Variants in KCNH7 observed in about 807,000 individuals in gnomAD.
The protein encoded by KCNH7 is potassium voltage-gated channel subfamily H member 7.
In KCNH7, 49 loss-of-function variants were observed where a neutral mutation model predicts 120.8. The observed-to-expected ratio is 0.41, with a 90% CI of 0.32 to 0.51. The LOEUF (loss-of-function observed/expected upper bound fraction) is 0.51, where lower values mean the gene tolerates loss of function less well. Ranked by LOEUF, KCNH7 falls within the 20% of genes least tolerant of loss-of-function variation. The probability of loss-of-function intolerance (pLI) is 0.38; values close to 1 mark genes in which losing one functional copy is unlikely to be tolerated. For synonymous variants in KCNH7, 547 were observed against 516.1 expected, an observed-to-expected ratio of 1.06 and a Z score of -0.81; for missense variants, 1,097 against 1,446.6, an observed-to-expected ratio of 0.76 and a Z score of 3.92.
At chr2:162,625,127 C>T (rs921355172) in intron 2 of KCNH7, among the ~76,000 whole-genome samples, 3 of 151,922 alleles carry the variant, frequency 2.0e-5, no homozygotes, top group Non-Finnish European at 2.9e-5. Context: ...GAACTCCCGA[C>T]CTCAAGTTAT....
chr2:162,538,945 A>G (rs1349491305), intron 2 of KCNH7, among the ~76,000 whole-genome samples: 2 of 152,178 alleles, frequency 1.3e-5, no homozygotes, highest in Admixed American at 1.3e-4. Context: ...AATGTGGATA[A>G]CTTTATTTAT....
chr2:162,835,630 A>G (rs1415164461), intron 2 of KCNH7, among the ~76,000 whole-genome samples: 1 of 151,734 alleles, frequency 6.6e-6, no homozygotes. Context: ...AGATATATAT[A>G]GATATAGATT....
Position 162,374,297 on chromosome 2 carries a change from A to G in KCNH7, c.3132-635T>C, listed in dbSNP as rs143611756. Among the ~76,000 whole-genome samples, 150 of 152,330 alleles carry G rather than the reference A, an allele frequency of 9.8e-4. 1 individual carries two copies. The Middle Eastern group carries it at 0.014, about 14-fold the overall frequency. On this transcript the variant is annotated intron_variant, in intron 14 of 15. Coordinates refer to ENST00000332142, the MANE Select transcript of KCNH7 (RefSeq NM_033272.4). ...TGACTTCACTTGCTTCTAATGACCCATCTGGCCTGCAAAATACCAGTTTAT... is the reference window on the plus strand; with the variant it reads ...TGACTTCACTTGCTTCTAATGACCCGTCTGGCCTGCAAAATACCAGTTTAT...
At position 162,448,909 on chromosome 2, in the gene KCNH7, G is replaced by T. The variant is rs567802552; in HGVS notation, c.1129-2466C>A. 5.1e-4 allele frequency among the ~76,000 whole-genome samples: 77 copies of T among 152,120 alleles called. No homozygotes were observed. In the South Asian group the frequency reaches 5.2e-3, roughly 10 times the overall value. On this transcript the variant is annotated intron_variant, in intron 6 of 15. Transcript: ENST00000332142. The stretch of plus-strand genomic sequence containing the variant: ...ACTTCACTCAGGGCCTGGGATTGGT[G>T]ATGGTGCTGATGGAGTAGGTGGGTA...
intron 6 of KCNH7, among the ~76,000 whole-genome samples, chr2:162,493,883 G>A (rs568106518): frequency 6.6e-5 from 10 of 152,234 alleles, no homozygotes; most frequent in South Asian, 6.2e-4. Context: ...AACAAATGGT[G>A]GAAGATTTGT....
chr2:162,729,154 A>G (rs905250434), intron 2 of KCNH7, among the ~76,000 whole-genome samples: 1 of 148,418 alleles, frequency 6.7e-6, no homozygotes, highest in Non-Finnish European at 1.5e-5. Flanking sequence ...TTTTGTCAAT[A>G]TACCCAAATT....
chr2:162,809,025 C>G (rs11897829), intron 2 of KCNH7, among the ~76,000 whole-genome samples: 1 of 152,046 alleles, frequency 6.6e-6, no homozygotes, highest in Non-Finnish European at 1.5e-5. Flanking sequence ...CTTTTCTAAC[C>G]TATTAAAAAT....
chr2:162,757,433 C>G (rs1280080807), intron 2 of KCNH7, among the ~76,000 whole-genome samples: 2 of 152,032 alleles, frequency 1.3e-5, no homozygotes, highest in African/African-American at 4.8e-5. Flanking sequence ...AATCAGATTC[C>G]TGATGAAATA....
intron 2 of KCNH7, among the ~76,000 whole-genome samples, chr2:162,743,089 T>A (rs11903378): frequency 0.038 from 5,832 of 152,166 alleles, 360 homozygotes; most frequent in African/African-American, 0.13. Flanking sequence ...TCTTATTTCA[T>A]TGATTTCCCT....
intron 2 of KCNH7, among the ~76,000 whole-genome samples, chr2:162,820,033 CTTTTTTTTTTT>C (rs66809770): frequency 1.3e-5 from 1 of 77,040 alleles, no homozygotes; most frequent in South Asian, 5.9e-4. Flanking sequence ...ATTCCATAAA[CTTTTTTTTTTT>C]TTTTTTTTTT....
chr2:162,773,706 A>T (rs1322119088), intron 2 of KCNH7, among the ~76,000 whole-genome samples: 1 of 152,200 alleles, frequency 6.6e-6, no homozygotes, highest in Non-Finnish European at 1.5e-5. Context: ...ATAGCCTGTC[A>T]TTTTGTAGCT....
intron 9 of KCNH7, among the ~76,000 whole-genome samples, chr2:162,406,782 C>T: frequency 6.6e-6 from 1 of 151,932 alleles, no homozygotes; most frequent in East Asian, 1.9e-4. Context: ...AGATACTAAA[C>T]CCTGCTTTTT....
intron 2 of KCNH7, among the ~76,000 whole-genome samples, chr2:162,701,030 T>C (rs1299111994): frequency 6.6e-6 from 1 of 152,170 alleles, no homozygotes; most frequent in Non-Finnish European, 1.5e-5. Context: ...TTTCACATAA[T>C]CAGATGCTGT....
At chr2:162,730,705 T>G (rs1687693513) in intron 2 of KCNH7, among the ~76,000 whole-genome samples, 1 of 151,932 alleles carries the variant, frequency 6.6e-6, no homozygotes, top group Non-Finnish European at 1.5e-5. Context: ...ATCAAGAAAC[T>G]CACTGATTCA....
rs138899397 is a variant in KCNH7, at chr2:162,643,299, T to C, written c.308-106219A>G. Among the ~76,000 whole-genome samples, 489 of 151,480 alleles carry C rather than the reference T, an allele frequency of 3.2e-3. 1 individual carries two copies. The highest frequency in any genetic ancestry group is 0.011 in the African/African-American group (468 of 41,270). ...TTTTTAGCTAGCACACTGAGGAATT[T>C]ATCAGAACCTATTTGCAAAAACAAA... On this transcript the variant is annotated intron_variant, in intron 2 of 15. Coordinates refer to ENST00000332142, the MANE Select transcript of KCNH7 (RefSeq NM_033272.4).
chr2:162,470,706 G>A (rs974191630), intron 6 of KCNH7, among the ~76,000 whole-genome samples: 1 of 152,180 alleles, frequency 6.6e-6, no homozygotes, highest in African/African-American at 2.4e-5. Flanking sequence ...TGGGAAGTGA[G>A]GAGCTTCTCT....
intron 2 of KCNH7, among the ~76,000 whole-genome samples, chr2:162,664,244 T>C (rs893033430): frequency 3.9e-5 from 6 of 152,190 alleles, no homozygotes; most frequent in Admixed American, 3.9e-4. Context: ...TGTGCACATA[T>C]AACCTCTTTC....
chr2:162,505,450 C>G (rs1690839825), intron 5 of KCNH7, among the ~76,000 whole-genome samples: 1 of 151,798 alleles, frequency 6.6e-6, no homozygotes, highest in African/African-American at 2.4e-5. Flanking sequence ...ATAGGGCATG[C>G]CTGGGGTTGA....
intron 8 of KCNH7, among the ~76,000 whole-genome samples, chr2:162,431,169 G>A (rs1481379709): frequency 1.3e-5 from 2 of 151,688 alleles, no homozygotes; most frequent in African/African-American, 2.4e-5. Flanking sequence ...CAATTATATC[G>A]CTATAAGATA....
Sources: allele counts gnomAD v4.1 joint callset (sites outside exome capture counted in the v4.1 genomes callset), GRCh38; gene constraint gnomAD v4.1.1; transcripts MANE v1.5; gene names NCBI Gene and HGNC (gene_info 2026-07-23, HGNC 2026-07-21).